Variants in SNTG1 observed in about 807,000 individuals in gnomAD.
SNTG1 encodes gamma-1-syntrophin.
Under a neutral mutation model 74.7 loss-of-function variants are expected in SNTG1, and 39 were observed. The ratio of observed to expected loss-of-function variants is 0.52; its 90% CI spans 0.40 to 0.68. SNTG1 has a LOEUF of 0.68. SNTG1 is among the 30% of genes least tolerant of loss of function. The pLI, the probability that SNTG1 is intolerant of heterozygous loss-of-function variation, is 0.00. For synonymous variants in SNTG1, 254 were observed against 217.1 expected, an observed-to-expected ratio of 1.17 and a Z score of -1.49; for missense variants, 685 against 609.5, an observed-to-expected ratio of 1.12 and a Z score of -1.30.
chr8:50,179,457 A>C (rs867504418), intron 2 of SNTG1, among the ~76,000 whole-genome samples: 2 of 152,214 alleles, frequency 1.3e-5, no homozygotes. Context: ...AAACTAAAAA[A>C]CATTTGCATG....
chr8:50,590,201 T>A (rs992823530), intron 12 of SNTG1, among the ~76,000 whole-genome samples: 1 of 152,146 alleles, frequency 6.6e-6, no homozygotes, highest in Non-Finnish European at 1.5e-5. Flanking sequence ...CATGCTTAAG[T>A]TTCTCTACAA....
chr8:50,690,856 T>C (rs1202100428), intron 15 of SNTG1, among the ~76,000 whole-genome samples: 1 of 152,162 alleles, frequency 6.6e-6, no homozygotes, highest in Non-Finnish European at 1.5e-5. Flanking sequence ...GGTGTTAAAG[T>C]CTCCCGTTAT....
intron 2 of SNTG1, among the ~76,000 whole-genome samples, chr8:50,205,566 C>G (rs1005199633): frequency 2.6e-5 from 4 of 151,380 alleles, no homozygotes; most frequent in African/African-American, 9.7e-5. Flanking sequence ...TGCAGAAGCT[C>G]TTTAATTAGA....
chr8:50,138,561 G>A (rs111762417), intron 1 of SNTG1, among the ~76,000 whole-genome samples: 12,256 of 151,360 alleles, frequency 0.081, 1,606 homozygotes, highest in African/African-American at 0.28. Flanking sequence ...GGAGGTGGAG[G>A]TTGCACTGAG....
chr8:49,930,458 A>C (rs1341398999), intron 1 of SNTG1, among the ~76,000 whole-genome samples: 3 of 148,592 alleles, frequency 2.0e-5, no homozygotes, highest in Non-Finnish European at 3.0e-5. Context: ...GCAATCTAGA[A>C]ATAAAAGAGG....
chr8:50,140,202 A>G (rs1167174630), intron 1 of SNTG1, among the ~76,000 whole-genome samples: 2 of 152,196 alleles, frequency 1.3e-5, no homozygotes, highest in African/African-American at 2.4e-5. Flanking sequence ...ACAGAAATCT[A>G]ACATTTAAAG....
At chr8:50,282,970 T>C (rs1254187935) in intron 2 of SNTG1, among the ~76,000 whole-genome samples, 1 of 152,036 alleles carries the variant, frequency 6.6e-6, no homozygotes, top group Non-Finnish European at 1.5e-5. Context: ...TCACTAAGAG[T>C]TTCTAAATTC....
At chr8:50,345,816 A>G (rs184112312) in intron 2 of SNTG1, among the ~76,000 whole-genome samples, 168 of 152,264 alleles carry the variant, frequency 1.1e-3, no homozygotes, top group Non-Finnish European at 1.6e-3. Context: ...TTTTCCTCCA[A>G]GTATTCTTTT....
At chr8:50,242,384 T>C (rs1295577822) in intron 2 of SNTG1, among the ~76,000 whole-genome samples, 4 of 151,694 alleles carry the variant, frequency 2.6e-5, no homozygotes, top group Non-Finnish European at 1.5e-5. Context: ...AAAAATTAGC[T>C]GGGCATGGTG....
At chr8:50,784,063 G>C (rs1311308838) in intron 18 of SNTG1, among the ~76,000 whole-genome samples, 2 of 152,180 alleles carry the variant, frequency 1.3e-5, no homozygotes, top group African/African-American at 2.4e-5. Context: ...ACCTCCACTG[G>C]AAGTTAAACA....
intron 13 of SNTG1, among the ~76,000 whole-genome samples, chr8:50,649,450 G>A (rs1222773786): frequency 3.3e-5 from 5 of 152,130 alleles, no homozygotes; most frequent in Non-Finnish European, 7.4e-5. Flanking sequence ...AGTGAGCTGA[G>A]ATTGTGCCAC....
intron 12 of SNTG1, among the ~76,000 whole-genome samples, chr8:50,579,426 A>G (rs2094595877): frequency 6.6e-6 from 1 of 152,228 alleles, no homozygotes; most frequent in African/African-American, 2.4e-5. Context: ...AGACATCAGC[A>G]TAAGTAGTGA....
At chr8:50,345,915 G>A (rs571964179) in intron 2 of SNTG1, among the ~76,000 whole-genome samples, 3 of 152,126 alleles carry the variant, frequency 2.0e-5, no homozygotes, top group South Asian at 4.1e-4. Flanking sequence ...CCTTGCTTTA[G>A]TTTGACAGTA....
intron 1 of SNTG1, among the ~76,000 whole-genome samples, chr8:50,010,513 T>C (rs1241682861): frequency 6.6e-6 from 1 of 152,132 alleles, no homozygotes; most frequent in African/African-American, 2.4e-5. Flanking sequence ...GAATGTATGA[T>C]AGGATTACTA....
intron 1 of SNTG1, among the ~76,000 whole-genome samples, chr8:50,055,080 G>A (rs1176541460): frequency 1.3e-5 from 2 of 151,412 alleles, no homozygotes; most frequent in African/African-American, 4.9e-5. Context: ...TCATCATTCC[G>A]ACTTGCCTGT....
At chr8:50,219,802 A>G (rs2084970830) in intron 2 of SNTG1, among the ~76,000 whole-genome samples, 1 of 152,160 alleles carries the variant, frequency 6.6e-6, no homozygotes, top group Admixed American at 6.5e-5. Context: ...AATCCAAACC[A>G]CATCAACCAA....
chr8:50,062,776 A>G (rs148246387), intron 1 of SNTG1, among the ~76,000 whole-genome samples: 78 of 152,322 alleles, frequency 5.1e-4, no homozygotes, highest in African/African-American at 1.7e-3. Context: ...ATACATTTAC[A>G]TATTGTAAGA....
chr8:50,658,997 ATG>A (rs869137586), intron 15 of SNTG1, among the ~76,000 whole-genome samples: 22 of 151,510 alleles, frequency 1.5e-4, no homozygotes, highest in Middle Eastern at 3.4e-3. Context: ...GGTTGTTACC[ATG>A]TTTTTTTTTT....
At chr8:49,941,450 ATATAT>A (rs1283586088) in intron 1 of SNTG1, among the ~76,000 whole-genome samples, 2 of 148,206 alleles carry the variant, frequency 1.3e-5, no homozygotes, top group Admixed American at 6.8e-5. Context: ...TTTATATATT[ATATAT>A]TATATTAATA....
Sources: gnomAD v4.1 joint callset for allele counts (sites outside exome capture counted in the v4.1 genomes callset) on GRCh38, gnomAD v4.1.1 for gene constraint, MANE v1.5 for transcripts, NCBI Gene and HGNC (gene_info 2026-07-23, HGNC 2026-07-21) for gene names.